Variants in NBPF3 observed in about 807,000 individuals in gnomAD.
The protein encoded by NBPF3 is NBPF member 3, also known as NBPF family member NBPF3.
NBPF3 carries 57 observed loss-of-function variants against 78.1 expected under a neutral mutation model. The ratio of observed to expected loss-of-function variants is 0.73; its 90% CI spans 0.59 to 0.91. The LOEUF (loss-of-function observed/expected upper bound fraction) is 0.91, where lower values mean the gene tolerates loss of function less well. Among genes scored for constraint, NBPF3 ranks in the 40% least tolerant of loss-of-function variants. The pLI is 0.00. For missense variants in NBPF3, 510 were observed against 715.3 expected (o/e 0.71, Z 3.27); for synonymous variants, 182 against 271.7 (o/e 0.67, Z 3.25).
chr1:21,444,982 G>A lies in NBPF3; in HGVS notation c.-105G>A, dbSNP rs1018174801. ...AGGCAAATCCTGTTTAGACCCAGGC[G>A]AAGGTTCCTGGTGACCCAGGCTCTC... On this transcript the variant is annotated 5_prime_UTR_variant, in exon 2 of 15. Transcript: ENST00000318249. The A allele has an allele frequency of 1.5e-5, 20 of 1,303,184 alleles. No homozygotes were observed. Among genetic ancestry groups the A allele is most frequent in the East Asian group, 9.8e-5 (4 of 40,840 alleles). The allele number at this position is 1,303,184 out of a possible 1,614,324, so 80.7% of individuals were successfully genotyped here.
In NBPF3 at chr1:21,440,213, G is replaced by GCTT. The variant is rs1375680495; in HGVS notation, c.-272_-270dup. On this transcript the variant is annotated 5_prime_UTR_variant, in exon 1 of 15. Transcript: ENST00000318249. Reference sequence around the variant, plus strand: ...AGGTGAGGATCCCGAGACTGAGTGAGCTTCTGCGCGCGGTGCTTTTGGGAA... The same window carrying GCTT: ...AGGTGAGGATCCCGAGACTGAGTGAGCTTCTTCTGCGCGCGGTGCTTTTGGGAA... 6.6e-6 allele frequency: 1 copy of GCTT among 151,664 alleles called. No individual in the cohort carries two copies. The highest frequency in any genetic ancestry group is 1.5e-5 in the Non-Finnish European group (1 of 67,770). 9.4% of individuals were successfully genotyped at this position (151,664 alleles called of 1,614,324 possible).
chr1:21,462,986 C>A (rs1327853967), intron 2 of NBPF3, among the ~76,000 whole-genome samples: 1 of 152,176 alleles, frequency 6.6e-6, no homozygotes, highest in Non-Finnish European at 1.5e-5. Context: ...AGATAAACAA[C>A]AATTGACAAA....
At chr1:21,458,800 G>A (rs569878944) in intron 2 of NBPF3, among the ~76,000 whole-genome samples, 13 of 152,304 alleles carry the variant, frequency 8.5e-5, no homozygotes, top group East Asian at 1.9e-4. Context: ...ACTTTGGGGC[G>A]TAGGGAAATT....
intron 2 of NBPF3, among the ~76,000 whole-genome samples, chr1:21,462,726 A>C (rs1240509032): frequency 1.3e-5 from 2 of 152,218 alleles, no homozygotes; most frequent in African/African-American, 4.8e-5. Flanking sequence ...GTTTGATCTA[A>C]TGGTACAAGG....
In NBPF3 at chr1:21,468,794, G is replaced by A. The variant is rs10157037; in HGVS notation, c.240G>A (p.Ser80=). The change falls in exon 3 of 15, where the codon TCG becomes TCA. Residue 80 remains serine, a synonymous_variant. Transcript: ENST00000318249. ...EMNILEINKK[S]RPQLAENKQQ... is the part of the protein sequence containing the mutation. ...ACATTCTAGAAATCAACAAGAAATC[G>A]CGCCCCCAGCTGGCAGAGAACAAAC... The A allele has an allele frequency of 0.014, 22,499 of 1,613,964 alleles. 896 individuals carry two copies. The highest frequency in any genetic ancestry group is 0.13 in the African/African-American group (9,555 of 74,944).
intron 1 of NBPF3, among the ~76,000 whole-genome samples, chr1:21,443,179 A>G (rs1483584694): frequency 2.0e-5 from 3 of 152,246 alleles, no homozygotes; most frequent in East Asian, 1.9e-4. Context: ...AAAATAATAA[A>G]TAAATGAATA....
At chr1:21,440,458 T>TGG (rs1640563664) in intron 1 of NBPF3, 110 bp downstream of exon 1, 1 of 10,898 alleles carries the variant, frequency 9.2e-5, no homozygotes, top group Non-Finnish European at 1.8e-4. Flanking sequence ...CGGGGGCGGG[T>TGG]GGGAGGTGGG....
Position 21,456,008 on chromosome 1 carries a change from A to G in NBPF3, c.133+10789A>G, listed in dbSNP as rs183126844. Among the ~76,000 whole-genome samples the G allele has an allele frequency of 6.3e-3, 957 of 152,346 alleles. 12 individuals are homozygous for G. Among genetic ancestry groups the G allele is most frequent in the African/African-American group, 0.02 (835 of 41,582 alleles). ...TTAGGAATAAGTGTCACACTTTTCA[A>G]TAAGGCCTATTGTTCACCAACCTGG... On this transcript the variant is annotated intron_variant, in intron 2 of 14. Coordinates refer to ENST00000318249, the MANE Select transcript of NBPF3 (RefSeq NM_032264.6).
At position 21,483,146 on chromosome 1, in the gene NBPF3, C is replaced by T; in HGVS notation, c.1662C>T (p.Leu554=). ...EEDQKPPCPR[L]NEVLMEAEEP... is the part of the protein sequence containing the mutation. The stretch of plus-strand genomic sequence containing the variant: ...TTAGTTTTGTCTCCTTTTCCAGGCT[C>T]AACGAGGTGCTGATGGAAGCAGAAG... The change falls in exon 15 of 15, where the codon CTC becomes CTT. Residue 554 remains leucine (L), a synonymous_variant. Coordinates refer to ENST00000318249, the MANE Select transcript of NBPF3 (RefSeq NM_032264.6). The T allele has an allele frequency of 6.2e-7, 1 of 1,611,738 alleles. No homozygotes were observed. The highest frequency in any genetic ancestry group is 8.5e-7 in the Non-Finnish European group (1 of 1,179,440).
intron 11 of NBPF3, among the ~76,000 whole-genome samples, chr1:21,480,469 C>G (rs1411829408): frequency 2.4e-5 from 3 of 122,822 alleles, no homozygotes; most frequent in Non-Finnish European, 5.8e-5. Context: ...ACTCTCAGCA[C>G]ATTGGACCCA....
intron 2 of NBPF3, chr1:21,449,921 ATTG>A: frequency 1.2e-5 from 1 of 84,660 alleles, no homozygotes; most frequent in Non-Finnish European, 2.0e-5. Context: ...TAGTTCTTTC[ATTG>A]ATTGATTGAT....
chr1:21,476,614 T>C lies in NBPF3; in HGVS notation c.993-1530T>C, dbSNP rs2148006174. Among the ~76,000 whole-genome samples the C allele has an allele frequency of 6.6e-6, 1 of 152,354 alleles. No homozygotes were observed. The highest frequency in any genetic ancestry group is 2.4e-5 in the African/African-American group (1 of 41,588). On this transcript the variant is annotated intron_variant, in intron 8 of 14. Transcript: ENST00000318249. The surrounding 1 kb of genome is among the most constrained non-coding windows in gnomAD (Gnocchi z 4.1). The stretch of plus-strand genomic sequence containing the variant: ...ATGTCGAATATTGGCCTCCACTCTC[T>C]TCTGGCTTGTAGGGTTTCTGCAGAG...
rs61740199 is a variant in NBPF3, at chr1:21,468,795, C to T, written c.241C>T (p.Arg81Cys). 65,259 of 1,614,006 alleles carry T rather than the reference C, an allele frequency of 0.04. 1,520 individuals are homozygous for T. The highest frequency in any genetic ancestry group is 0.046 in the Non-Finnish European group (54,574 of 1,179,940). Residue 81 changes from arginine to cysteine, a missense_variant, in exon 3 of 15, where the codon CGC becomes TGC. Transcript: ENST00000318249. ...CATTCTAGAAATCAACAAGAAATCG[C>T]GCCCCCAGCTGGCAGAGAACAAACA... The part of the protein sequence containing the change: ...MNILEINKKS[R>C]PQLAENKQQF...
intron 3 of NBPF3, among the ~76,000 whole-genome samples, chr1:21,469,174 G>A (rs1642449894): frequency 6.6e-6 from 1 of 152,156 alleles, no homozygotes. Context: ...TTCTCCAAGA[G>A]GCTAAATCGT....
intron 1 of NBPF3, among the ~76,000 whole-genome samples, chr1:21,444,564 C>CT (rs1640850269): frequency 2.6e-5 from 4 of 152,130 alleles, no homozygotes; most frequent in Admixed American, 2.6e-4. Context: ...AGTCAGGACT[C>CT]TATTTTTTTT....
In NBPF3 at chr1:21,460,993, T is replaced by C. The variant is rs192466377; in HGVS notation, c.134-7695T>C. 1.3e-3 allele frequency among the ~76,000 whole-genome samples: 203 copies of C among 152,228 alleles called. 1 individual carries two copies. In the South Asian group the frequency reaches 0.015, roughly 11 times the overall value. ...AGAAGATATTTTCCATAAGAAGATA[T>C]CTTACTGAACATTAGGCATGAGAAA... On this transcript the variant is annotated intron_variant, in intron 2 of 14. Transcript: ENST00000318249. The surrounding 1 kb of genome is among the most constrained non-coding windows in gnomAD (Gnocchi z 4.2).
intron 2 of NBPF3, among the ~76,000 whole-genome samples, chr1:21,457,549 G>A (rs1641698786): frequency 6.6e-6 from 1 of 152,042 alleles, no homozygotes; most frequent in Non-Finnish European, 1.5e-5. Context: ...CTACTGTTTA[G>A]TCATCAGGGA....
rs1452551780 is a variant in NBPF3 at position 21,460,289 on chromosome 1, A to T, written c.134-8399A>T. The stretch of plus-strand genomic sequence containing the variant: ...TGCACAACGTGCAGGTTTGTTACAT[A>T]GGTGTACATGTGCCATGTTGGTTTG... On this transcript the variant is annotated intron_variant, in intron 2 of 14. Coordinates refer to ENST00000318249, the MANE Select transcript of NBPF3 (RefSeq NM_032264.6). The surrounding 1 kb of genome is among the most constrained non-coding windows in gnomAD (Gnocchi z 4.2). Among the ~76,000 whole-genome samples the T allele has an allele frequency of 6.6e-6, 1 of 152,216 alleles. No homozygotes were observed. Among genetic ancestry groups the T allele is most frequent in the African/African-American group, 2.4e-5 (1 of 41,444 alleles).
chr1:21,479,446 G>A (rs372477374), intron 10 of NBPF3, 46 bp downstream of exon 10: 1 of 1,534,384 alleles, frequency 6.5e-7, no homozygotes, highest in Non-Finnish European at 9.0e-7. Context: ...TTGACACCTG[G>A]AGATGCCAAG....
Sources: gnomAD v4.1 joint callset for allele counts (sites outside exome capture counted in the v4.1 genomes callset) on GRCh38, gnomAD v4.1.1 for gene constraint, Gnocchi (gnomAD v3.1) non-coding constraint, MANE v1.5 for transcripts, NCBI Gene and HGNC (gene_info 2026-07-23, HGNC 2026-07-21) for gene names.